WASF3: variants seen among roughly 807,000 people sequenced by gnomAD.
WASF3 encodes the protein WASP family member 3, also known as actin-binding protein WASF3.
A neutral mutation model predicts 46.6 loss-of-function variants in WASF3; 11 were observed. That is an observed-to-expected ratio of 0.24 (90% confidence interval 0.15 to 0.39). WASF3 has a LOEUF of 0.39. WASF3 is among the 10% of genes least tolerant of loss of function. The pLI, the probability that WASF3 is intolerant of heterozygous loss-of-function variation, is 1.00. For synonymous variants in WASF3, 242 were observed against 259.7 expected, an observed-to-expected ratio of 0.93 and a Z score of 0.65; for missense variants, 576 against 669.8, an observed-to-expected ratio of 0.86 and a Z score of 1.55.
At chr13:26,664,583 G>A (rs1158865108) in intron 3 of WASF3, among the ~76,000 whole-genome samples, 2 of 152,212 alleles carry the variant, frequency 1.3e-5, no homozygotes, top group African/African-American at 4.8e-5. Flanking sequence ...CCATTGGAAA[G>A]TGTTAGGCAC....
intron 6 of WASF3, among the ~76,000 whole-genome samples, chr13:26,675,626 G>C (rs766980271): frequency 1.5e-4 from 21 of 140,522 alleles, no homozygotes; most frequent in Non-Finnish European, 3.0e-4. Context: ...TGGACTGCAG[G>C]CTCCATGAGC....
At chr13:26,605,368 T>C (rs2137209647) in intron 1 of WASF3, among the ~76,000 whole-genome samples, 1 of 152,318 alleles carries the variant, frequency 6.6e-6, no homozygotes, top group East Asian at 1.9e-4. Context: ...TTGAAACAAC[T>C]GTTGATTCAA....
intron 6 of WASF3, among the ~76,000 whole-genome samples, chr13:26,672,499 C>G (rs1224499157): frequency 6.6e-6 from 1 of 152,080 alleles, no homozygotes; most frequent in Non-Finnish European, 1.5e-5. Context: ...AAGAGAATTG[C>G]AAGTTTGAAG....
intron 1 of WASF3, among the ~76,000 whole-genome samples, chr13:26,592,606 C>T (rs1028748985): frequency 2.6e-5 from 4 of 152,174 alleles, no homozygotes; most frequent in African/African-American, 9.7e-5. Flanking sequence ...TAGGATCCAG[C>T]TCCCACCCTA....
At chr13:26,607,325 T>G (rs1322412385) in intron 1 of WASF3, among the ~76,000 whole-genome samples, 1 of 152,202 alleles carries the variant, frequency 6.6e-6, no homozygotes, top group African/African-American at 2.4e-5. Context: ...AATAAAGATC[T>G]AATTGGCTTT....
intron 7 of WASF3, among the ~76,000 whole-genome samples, chr13:26,680,512 A>G (rs959285881): frequency 6.6e-6 from 1 of 152,210 alleles, no homozygotes; most frequent in African/African-American, 2.4e-5. Context: ...AGGCCTTTCC[A>G]TAGTGCACCG....
intron 3 of WASF3, among the ~76,000 whole-genome samples, chr13:26,645,118 G>A (rs947096789): frequency 2.6e-5 from 4 of 152,208 alleles, no homozygotes; most frequent in African/African-American, 7.2e-5. Flanking sequence ...CAACAATTCC[G>A]CGTTGAAATC....
upstream of WASF3, among the ~76,000 whole-genome samples, chr13:26,555,383 A>G (rs539209212): frequency 6.6e-6 from 1 of 152,282 alleles, no homozygotes; most frequent in South Asian, 2.1e-4. Context: ...CAAGGTCTGC[A>G]TTCCTCTTTT....
At chr13:26,554,076 C>CTTTCTTTCT (rs1164603154), upstream of WASF3, among the ~76,000 whole-genome samples, 6 of 72,518 alleles carry the variant, frequency 8.3e-5, no homozygotes, top group East Asian at 5.3e-4. Context: ...TCCTTCCTTC[C>CTTTCTTTCT]TTCCTTCCTT....
intron 3 of WASF3, among the ~76,000 whole-genome samples, chr13:26,660,713 T>A (rs1173571288): frequency 6.6e-6 from 1 of 152,150 alleles, no homozygotes; most frequent in Non-Finnish European, 1.5e-5. Context: ...TAAAAAAAAC[T>A]GTGATAAAAT....
intron 2 of WASF3, among the ~76,000 whole-genome samples, chr13:26,618,455 T>A (rs376788959): frequency 1.2e-4 from 18 of 151,950 alleles, no homozygotes; most frequent in African/African-American, 3.9e-4. Context: ...TGACACACAC[T>A]CTCTCGCTCT....
intron 6 of WASF3, 67 bp from the exon 7 acceptor site, chr13:26,676,482 G>A (rs902076416): frequency 3.9e-6 from 6 of 1,551,486 alleles, no homozygotes; most frequent in Non-Finnish European, 5.2e-6. Flanking sequence ...CATTATAACT[G>A]CATTTAACCA....
chr13:26,637,603 T>C (rs1199898161), intron 2 of WASF3, among the ~76,000 whole-genome samples: 1 of 152,238 alleles, frequency 6.6e-6, no homozygotes, highest in Admixed American at 6.5e-5. Flanking sequence ...TATCCCGTTA[T>C]CCTTATGCAG....
intron 2 of WASF3, among the ~76,000 whole-genome samples, chr13:26,625,457 G>A (rs1321502881): frequency 6.6e-6 from 1 of 152,186 alleles, no homozygotes; most frequent in African/African-American, 2.4e-5. Context: ...TGGTGCAGGT[G>A]TAAGCTTTGG....
chr13:26,633,713 G>T (rs1881728571), intron 2 of WASF3, among the ~76,000 whole-genome samples: 1 of 152,134 alleles, frequency 6.6e-6, no homozygotes, highest in Non-Finnish European at 1.5e-5. Context: ...TGGTTTCAAA[G>T]AACATCTTTA....
At chr13:26,613,716 G>A (rs1881049075) in intron 2 of WASF3, among the ~76,000 whole-genome samples, 1 of 152,164 alleles carries the variant, frequency 6.6e-6, no homozygotes, top group Non-Finnish European at 1.5e-5. Flanking sequence ...CTTGCAGTGA[G>A]CCGAGATCGT....
chr13:26,653,559 G>A (rs1010466545), intron 3 of WASF3, among the ~76,000 whole-genome samples: 8 of 152,122 alleles, frequency 5.3e-5, no homozygotes, highest in Non-Finnish European at 1.0e-4. Flanking sequence ...ACTGGCATGC[G>A]ACTCACAGAT....
chr13:26,668,332 C>T (rs1487146235), intron 5 of WASF3, among the ~76,000 whole-genome samples: 1 of 152,226 alleles, frequency 6.6e-6, no homozygotes, highest in African/African-American at 2.4e-5. Context: ...CACCTCTTGT[C>T]CCATATCCCT....
chr13:26,554,619 A>T (rs1879060311), upstream of WASF3, among the ~76,000 whole-genome samples: 1 of 152,216 alleles, frequency 6.6e-6, no homozygotes, highest in African/African-American at 2.4e-5. Flanking sequence ...CCTTTTCCAG[A>T]ATGAATATAC....
Sources: allele counts gnomAD v4.1 joint callset (sites outside exome capture counted in the v4.1 genomes callset), GRCh38; gene constraint gnomAD v4.1.1; transcripts MANE v1.5; gene names NCBI Gene and HGNC (gene_info 2026-07-23, HGNC 2026-07-21).